TPT1: variants seen among roughly 807,000 people sequenced by gnomAD.
TPT1 encodes tumor protein, translationally-controlled 1, also known as translationally-controlled tumor protein.
A neutral mutation model predicts 22.8 loss-of-function variants in TPT1; 5 were observed. The ratio of observed to expected loss-of-function variants is 0.22; its 90% CI spans 0.11 to 0.46. TPT1 has a LOEUF of 0.46. Among genes scored for constraint, TPT1 ranks in the 20% least tolerant of loss-of-function variants. TPT1 has a pLI of 0.99. For missense variants in TPT1, 130 were observed against 218.7 expected (o/e 0.59, Z 2.56); for synonymous variants, 89 against 73.6 (o/e 1.21, Z -1.07).
At chr13:45,339,885 C>T in intron 3 of TPT1, 109 bp downstream of exon 3, 1 of 1,260,952 alleles carries the variant, frequency 7.9e-7, no homozygotes, top group South Asian at 1.5e-5. Flanking sequence ...AATAAAAAAG[C>T]AAGGACTTTC....
chr13:45,337,104 T>A lies in TPT1; in HGVS notation c.*282A>T. 1 of 483,886 alleles carries A rather than the reference T, an allele frequency of 2.1e-6. No homozygotes were observed. Among genetic ancestry groups the A allele is most frequent in the Non-Finnish European group, 3.7e-6 (1 of 269,026 alleles). 30.0% of individuals were successfully genotyped at this position (483,886 alleles called of 1,614,324 possible). On this transcript the variant is annotated 3_prime_UTR_variant, in exon 6 of 6. Coordinates refer to ENST00000530705, the MANE Select transcript of TPT1 (RefSeq NM_003295.4). The stretch of plus-strand genomic sequence containing the variant: ...GATGAGTAGTAGCCTACAATCAGGC[T>A]CTAGCTTCTCCAGGAACACTACAGG...
rs910192664 is a variant in TPT1, at chr13:45,335,947, A to T, written c.*1439T>A. 6.6e-6 allele frequency: 1 copy of T among 152,200 alleles called. No homozygotes were observed. The highest frequency in any genetic ancestry group is 1.5e-5 in the Non-Finnish European group (1 of 68,032). The allele number at this position is 152,200 out of a possible 1,614,324, so 9.4% of individuals were successfully genotyped here. A position where few individuals can be genotyped will look rare whatever the true frequency, so the allele number is the denominator to read the frequency against. Reference sequence around the variant, plus strand: ...ACATTCACATGTTCAAGCAGACCAGAGTCACTGGCCTGCTTTTAATCTTTC... The same window carrying T: ...ACATTCACATGTTCAAGCAGACCAGTGTCACTGGCCTGCTTTTAATCTTTC... On this transcript the variant is annotated 3_prime_UTR_variant, in exon 6 of 6. Coordinates refer to ENST00000530705, the MANE Select transcript of TPT1 (RefSeq NM_003295.4).
At chr13:45,339,972 A>T (rs756334653) in intron 3 of TPT1, 22 bp downstream of exon 3, 16 of 1,612,060 alleles carry the variant, frequency 9.9e-6, no homozygotes, top group Non-Finnish European at 1.4e-5. Flanking sequence ...GACATCAGCT[A>T]GGTACTGCCA....
rs36064720 is a variant in TPT1 at position 45,336,356 on chromosome 13, GA to G, written c.*1029del. 7,888 of 152,294 alleles carry G rather than the reference GA, an allele frequency of 0.052. 298 individuals are homozygous for G. Among genetic ancestry groups the G allele is most frequent in the Middle Eastern group, 0.12 (34 of 294 alleles). 9.4% of individuals were successfully genotyped at this position (152,294 alleles called of 1,614,324 possible). ...CAATCTCAGCTGCCACAATTAGACA[GA>G]CGGAAAGCGCAAGGACATGTTCTTC... On this transcript the variant is annotated 3_prime_UTR_variant, in exon 6 of 6. Transcript: ENST00000530705.
Position 45,339,620 on chromosome 13 carries a change from T to C in TPT1, c.294-18A>G. ...CTTTGATTCTAAAACAACATTTCATTAACAGGTTGAAGTATTGAATTTTCA... is the reference window on the plus strand; with the variant it reads ...CTTTGATTCTAAAACAACATTTCATCAACAGGTTGAAGTATTGAATTTTCA... On this transcript the variant is annotated intron_variant, in intron 3 of 5. Coordinates refer to ENST00000530705, the MANE Select transcript of TPT1 (RefSeq NM_003295.4). The C allele has an allele frequency of 6.3e-7, 1 of 1,591,512 alleles. No homozygotes were observed. The highest frequency in any genetic ancestry group is 8.6e-7 in the Non-Finnish European group (1 of 1,163,822).
Position 45,341,149 on chromosome 13 carries a change from C to G in TPT1, c.-80G>C. The G allele has an allele frequency of 3.8e-6, 6 of 1,580,690 alleles. No homozygotes were observed. Among genetic ancestry groups the G allele is most frequent in the Non-Finnish European group, 5.2e-6 (6 of 1,163,546 alleles). ...CGGAGCGAGCGCGGTGCAGCCGGAG[C>G]GGCGCTCGGGGGGAGGGGGGAGCGG... is the stretch of plus-strand genomic sequence containing the variant. On this transcript the variant is annotated 5_prime_UTR_variant, in exon 1 of 6. Transcript: ENST00000530705.
rs1593557494 is a variant in TPT1, at chr13:45,339,941, T to C, written c.293+53A>G. 1.4e-5 allele frequency: 22 copies of C among 1,588,714 alleles called. No homozygotes were observed. In the East Asian group the frequency reaches 4.9e-4, roughly 36 times the overall value. The stretch of plus-strand genomic sequence containing the variant: ...AAAGAACCTCAAAAGTTAGCCAATC[T>C]TTAAATCCTGTAAGATTCTAGACAT... On this transcript the variant is annotated intron_variant, in intron 3 of 5. Coordinates refer to ENST00000530705, the MANE Select transcript of TPT1 (RefSeq NM_003295.4).
At chr13:45,338,450 T>C (rs1878860063) in intron 5 of TPT1, 1 of 1,016,830 alleles carries the variant, frequency 9.8e-7, no homozygotes, top group Non-Finnish European at 1.4e-6. Context: ...CCATCTGCAC[T>C]CAACGTTTTC....
Position 45,333,475 on chromosome 13 carries a change from C to T in TPT1, c.*3911G>A, listed in dbSNP as rs1205823719. ...TATAACCTTAAGGATGCTTTGTTAT[C>T]AGTGTTCTCTCAAGTTGGTTGAGAT... On this transcript the variant is annotated 3_prime_UTR_variant, in exon 6 of 6. Coordinates refer to ENST00000530705, the MANE Select transcript of TPT1 (RefSeq NM_003295.4). The T allele has an allele frequency of 6.6e-6, 1 of 152,218 alleles. No homozygotes were observed. Among genetic ancestry groups the T allele is most frequent in the Non-Finnish European group, 1.5e-5 (1 of 68,044 alleles). The allele number at this position is 152,218 out of a possible 1,614,324, so 9.4% of individuals were successfully genotyped here. A position where few individuals can be genotyped will look rare whatever the true frequency, so the allele number is the denominator to read the frequency against.
intron 5 of TPT1, 25 bp from the exon 6 acceptor site, chr13:45,337,413 T>C (rs373381919): frequency 1.9e-6 from 3 of 1,614,038 alleles, no homozygotes; most frequent in Non-Finnish European, 2.5e-6. Flanking sequence ...ACTACATTAA[T>C]ATTTTTCAAA....
intron 2 of TPT1, 195 bp from the exon 3 acceptor site, chr13:45,340,379 A>G (rs1879011932): frequency 1.1e-6 from 1 of 872,330 alleles, no homozygotes; most frequent in African/African-American, 1.7e-5. Context: ...TGGCCGGAAC[A>G]AAAAATGGGG....
In TPT1 at chr13:45,334,066, A is replaced by T. The variant is rs1878531020; in HGVS notation, c.*3320T>A. 1 of 152,312 alleles carries T rather than the reference A, an allele frequency of 6.6e-6. No homozygotes were observed. Among genetic ancestry groups the T allele is most frequent in the Admixed American group, 6.5e-5 (1 of 15,270 alleles). 9.4% of individuals were successfully genotyped at this position (152,312 alleles called of 1,614,324 possible). A position where few individuals can be genotyped will look rare whatever the true frequency, so the allele number is the denominator to read the frequency against. ...GCCATCCTCTCAGCTCAGCCGCCTGAGTAGCTGGGACTACAGATGCCCAAT... is the reference window on the plus strand; with the variant it reads ...GCCATCCTCTCAGCTCAGCCGCCTGTGTAGCTGGGACTACAGATGCCCAAT... On this transcript the variant is annotated 3_prime_UTR_variant, in exon 6 of 6. Transcript: ENST00000530705.
chr13:45,340,973 C>T (rs1593559680), intron 1 of TPT1, 69 bp downstream of exon 1: 5 of 1,566,942 alleles, frequency 3.2e-6, no homozygotes, highest in African/African-American at 2.7e-5. Context: ...GACGGCTGCG[C>T]CTTCCCCGCC....
chr13:45,338,652 G>C lies in TPT1; in HGVS notation c.516+8C>G, dbSNP rs373191237. The C allele has an allele frequency of 1.2e-6, 2 of 1,610,780 alleles. No homozygotes were observed. The highest frequency in any genetic ancestry group is 2.7e-5 in the African/African-American group (2 of 74,684). On this transcript the variant is annotated splice_region_variant and intron_variant, in intron 5 of 5. Transcript: ENST00000530705. The stretch of plus-strand genomic sequence containing the variant: ...ATTATTTATTTTAACCCACTTCCTT[G>C]TACTTACACATTTTTCCATTTCTAA...
intron 3 of TPT1, 51 bp from the exon 4 acceptor site, chr13:45,339,653 C>T: frequency 6.7e-7 from 1 of 1,497,422 alleles, no homozygotes; most frequent in Non-Finnish European, 9.1e-7. Flanking sequence ...TCAGTAAAAT[C>T]AATTTTTAAA....
chr13:45,340,873 G>GCC, intron 1 of TPT1, 88 bp from the exon 2 acceptor site: 3 of 1,458,090 alleles, frequency 2.1e-6, no homozygotes, highest in Non-Finnish European at 2.7e-6. Context: ...CGCGGGATCT[G>GCC]CCCCTCCGTA....
chr13:45,339,627 T>C (rs774955456), intron 3 of TPT1, 25 bp from the exon 4 acceptor site: 8 of 1,553,086 alleles, frequency 5.2e-6, no homozygotes, highest in Admixed American at 1.9e-5. Flanking sequence ...CATTAACAGG[T>C]TGAAGTATTG....
intron 4 of TPT1, chr13:45,339,001 G>GA: frequency 2.3e-6 from 1 of 425,976 alleles, no homozygotes; most frequent in Non-Finnish European, 4.1e-6. Context: ...AGGAACACTA[G>GA]GCTTTCAGGA....
In TPT1 at chr13:45,336,563, A is replaced by G. The variant is rs1187229419; in HGVS notation, c.*823T>C. On this transcript the variant is annotated 3_prime_UTR_variant, in exon 6 of 6. Transcript: ENST00000530705. ...TCATCTTTTAAATCAGGGGCTGGCA[A>G]ACTTGCAGGCTCTAGTCTGTTAGAC... 2.0e-5 allele frequency: 3 copies of G among 152,238 alleles called. No individual in the cohort carries two copies. The allele number at this position is 152,238 out of a possible 1,614,324, so 9.4% of individuals were successfully genotyped here.
Sources: gnomAD v4.1 joint callset for allele counts on GRCh38, gnomAD v4.1.1 for gene constraint, MANE v1.5 for transcripts, NCBI Gene and HGNC (gene_info 2026-07-23, HGNC 2026-07-21) for gene names.